The following ZMAT3 variants were observed in gnomAD, a reference collection of about 807,000 sequenced individuals.
ZMAT3 encodes the protein zinc finger matrin-type protein 3.
ZMAT3 carries 17 observed loss-of-function variants against 32.3 expected under a neutral mutation model. The ratio of observed to expected loss-of-function variants is 0.53; its 90% CI spans 0.36 to 0.79. ZMAT3 has a LOEUF of 0.79. Among genes scored for constraint, ZMAT3 ranks in the 30% least tolerant of loss-of-function variants. The probability of loss-of-function intolerance (pLI) is 0.00; values close to 1 mark genes in which losing one functional copy is unlikely to be tolerated. For missense variants in ZMAT3, 329 were observed against 359.7 expected (o/e 0.91, Z 0.69); for synonymous variants, 120 against 133.1 (o/e 0.90, Z 0.68).
Position 179,055,133 on chromosome 3 carries a change from C to T in ZMAT3, c.270+12350G>A, listed in dbSNP as rs866343731. On this transcript the variant is annotated intron_variant, in intron 2 of 5. Transcript: ENST00000311417. ...GGCAACCACAAAGGGACCTCCAAAG[C>T]GATGGGAAACATTCCCCCCAAGGCA... Among the ~76,000 whole-genome samples, 9 of 152,222 alleles carry T rather than the reference C, an allele frequency of 5.9e-5. No individual in the cohort carries two copies. In the Middle Eastern group the frequency reaches 0.014, roughly 230 times the overall value.
At position 179,020,313 on chromosome 3, in the gene ZMAT3, G is replaced by A. The variant is rs1485713448; in HGVS notation, c.*4704C>T. The A allele has an allele frequency of 2.0e-5, 3 of 152,076 alleles. No homozygotes were observed. The highest frequency in any genetic ancestry group is 3.9e-4 in the East Asian group (2 of 5,188). The allele number at this position is 152,076 out of a possible 1,614,324, so 9.4% of individuals were successfully genotyped here. On this transcript the variant is annotated 3_prime_UTR_variant, in exon 6 of 6. Transcript: ENST00000311417. ...TACAAATGTTCCTCCCATTCATAACGGGAAGAAAAAGTCAAACAGCTATCA... is the reference window on the plus strand; with the variant it reads ...TACAAATGTTCCTCCCATTCATAACAGGAAGAAAAAGTCAAACAGCTATCA...
intron 2 of ZMAT3, among the ~76,000 whole-genome samples, chr3:179,066,868 G>A (rs148859614): frequency 1.2e-4 from 18 of 152,180 alleles, no homozygotes; most frequent in African/African-American, 3.9e-4. Context: ...ATTAGTTTAC[G>A]CTAATGGGCT....
intron 2 of ZMAT3, among the ~76,000 whole-genome samples, chr3:179,047,716 G>A (rs4402977): frequency 0.61 from 92,302 of 151,118 alleles, 28,349 homozygotes; most frequent in East Asian, 0.8. Context: ...AAAAATAGCC[G>A]GATGTGGTGG....
At chr3:179,030,511 C>T (rs1280798379) in intron 3 of ZMAT3, among the ~76,000 whole-genome samples, 3 of 152,034 alleles carry the variant, frequency 2.0e-5, no homozygotes, top group Non-Finnish European at 2.9e-5. Context: ...CCCGCCACCA[C>T]GCCTGGCTAA....
rs1718413070 is a variant in ZMAT3 at position 179,019,063 on chromosome 3, A to G, written c.*5954T>C. ...GTATTCGCTGATTTCATAAACCCCA[A>G]TCAGTAATTTACAGTTTTTTGAAGA... On this transcript the variant is annotated 3_prime_UTR_variant, in exon 6 of 6. Transcript: ENST00000311417. 1 of 152,170 alleles carries G rather than the reference A, an allele frequency of 6.6e-6. No individual in the cohort carries two copies. 9.4% of individuals were successfully genotyped at this position (152,170 alleles called of 1,614,324 possible).
At chr3:179,048,775 CA>C (rs199703376) in intron 2 of ZMAT3, among the ~76,000 whole-genome samples, 29,263 of 102,798 alleles carry the variant, frequency 0.28, 3,603 homozygotes, top group African/African-American at 0.46. Flanking sequence ...GGTATTCAGG[CA>C]AAAAAAAAAA....
Position 179,056,316 on chromosome 3 carries a change from C to T in ZMAT3, c.270+11167G>A, listed in dbSNP as rs575894579. On this transcript the variant is annotated intron_variant, in intron 2 of 5. Coordinates refer to ENST00000311417, the MANE Select transcript of ZMAT3 (RefSeq NM_022470.4). ...GGAGGAGCAGGCGAAACGGGACAAA[C>T]GGGATAAAAAAAAAAGGGGGGGTCC... is the stretch of plus-strand genomic sequence containing the variant. Among the ~76,000 whole-genome samples the T allele has an allele frequency of 1.4e-3, 210 of 149,368 alleles. 3 individuals carry two copies. Among genetic ancestry groups the T allele is most frequent in the African/African-American group, 5.0e-3 (203 of 40,850 alleles).
At position 179,067,493 on chromosome 3, in the gene ZMAT3, G is replaced by C; in HGVS notation, c.260C>G (p.Ala87Gly). 6.2e-7 allele frequency: 1 copy of C among 1,614,074 alleles called. No individual in the cohort carries two copies. Reference sequence around the variant, plus strand: ...CTTTTCTCCCTTTACCTGATAATGAGCCTGGGCTTGCTGTGCAGAGTTCAA... The same window carrying C: ...CTTTTCTCCCTTTACCTGATAATGACCCTGGGCTTGCTGTGCAGAGTTCAA... ...VTLNSAQQAQ[A>G]HYQGKNHGKK... Residue 87 changes from alanine (A) to glycine (G), a missense_variant, in exon 2 of 6, where the codon GCT becomes GGT. Transcript: ENST00000311417.
intron 2 of ZMAT3, among the ~76,000 whole-genome samples, chr3:179,055,842 C>A (rs962865341): frequency 6.6e-6 from 1 of 152,116 alleles, no homozygotes; most frequent in African/African-American, 2.4e-5. Context: ...GAGAGTTTGG[C>A]GATCTTTGGT....
At chr3:179,062,903 G>A (rs4955807) in intron 2 of ZMAT3, among the ~76,000 whole-genome samples, 121,823 of 152,162 alleles carry the variant, frequency 0.8, 49,038 homozygotes, top group East Asian at 0.94. Flanking sequence ...ACAGCTGTGT[G>A]CCATCTCATT....
intron 4 of ZMAT3, 29 bp from the exon 5 acceptor site, chr3:179,027,552 A>G (rs1337517589): frequency 1.2e-6 from 2 of 1,613,946 alleles, no homozygotes; most frequent in South Asian, 2.2e-5. Flanking sequence ...AAAAAGAGTG[A>G]GTCTTCTAAA....
intron 2 of ZMAT3, among the ~76,000 whole-genome samples, chr3:179,055,421 AGT>A (rs753923093): frequency 2.0e-5 from 3 of 152,086 alleles, no homozygotes; most frequent in Non-Finnish European, 2.9e-5. Flanking sequence ...TTATGTAAAA[AGT>A]GTGGTTTATG....
In ZMAT3 at chr3:179,020,869, C is replaced by T. The variant is rs888482651; in HGVS notation, c.*4148G>A. 3 of 152,244 alleles carry T rather than the reference C, an allele frequency of 2.0e-5. No homozygotes were observed. The highest frequency in any genetic ancestry group is 7.2e-5 in the African/African-American group (3 of 41,472). The allele number at this position is 152,244 out of a possible 1,614,324, so 9.4% of individuals were successfully genotyped here. ...GTGAAGGAAGATGTAACCAGACATA[C>T]ATATCTCCCTTTCTCCCTGTTCAAA... On this transcript the variant is annotated 3_prime_UTR_variant, in exon 6 of 6. Transcript: ENST00000311417.
At chr3:179,050,754 C>CAAAAAG (rs1208714645) in intron 2 of ZMAT3, among the ~76,000 whole-genome samples, 1 of 152,166 alleles carries the variant, frequency 6.6e-6, no homozygotes, top group Non-Finnish European at 1.5e-5. Context: ...AACAGCATAT[C>CAAAAAG]AAAAAGATAA....
At chr3:179,042,313 C>T (rs932701366) in intron 2 of ZMAT3, among the ~76,000 whole-genome samples, 6 of 152,038 alleles carry the variant, frequency 3.9e-5, no homozygotes, top group Admixed American at 6.6e-5. Context: ...AACATGGATG[C>T]GAAAATCCTC....
chr3:179,054,834 A>G (rs954563736), intron 2 of ZMAT3, among the ~76,000 whole-genome samples: 3 of 152,252 alleles, frequency 2.0e-5, no homozygotes, highest in South Asian at 2.1e-4. Flanking sequence ...GCTGCTCCCA[A>G]TTGGGCTAAA....
At chr3:179,032,035 A>C (rs1176880148) in intron 2 of ZMAT3, among the ~76,000 whole-genome samples, 7 of 14,440 alleles carry the variant, frequency 4.8e-4, no homozygotes, top group Non-Finnish European at 8.6e-4. Flanking sequence ...CCCTCCACAC[A>C]GCCTCCCTCT....
intron 2 of ZMAT3, among the ~76,000 whole-genome samples, chr3:179,064,457 T>C (rs1376198310): frequency 6.6e-6 from 1 of 152,164 alleles, no homozygotes; most frequent in Non-Finnish European, 1.5e-5. Context: ...TGTGTGTTTT[T>C]TGTTGTTGTC....
intron 2 of ZMAT3, among the ~76,000 whole-genome samples, chr3:179,058,893 C>T (rs1721006441): frequency 6.6e-6 from 1 of 152,138 alleles, no homozygotes; most frequent in South Asian, 2.1e-4. Context: ...ATAGCCCTCA[C>T]TTGGGCACTA....
Sources: gnomAD v4.1 joint callset for allele counts (sites outside exome capture counted in the v4.1 genomes callset) on GRCh38, gnomAD v4.1.1 for gene constraint, MANE v1.5 for transcripts, NCBI Gene and HGNC (gene_info 2026-07-23, HGNC 2026-07-21) for gene names.